SLC24A2: variants seen among roughly 807,000 people sequenced by gnomAD.
The protein encoded by SLC24A2 is sodium/potassium/calcium exchanger 2.
A neutral mutation model predicts 62.0 loss-of-function variants in SLC24A2; 36 were observed. The observed-to-expected ratio is 0.58, with a 90% CI of 0.44 to 0.77. The LOEUF is 0.77. Ranked by LOEUF, SLC24A2 falls within the 30% of genes least tolerant of loss-of-function variation. The pLI is 0.00. For missense variants in SLC24A2, 846 were observed against 817.9 expected (o/e 1.03, Z -0.42); for synonymous variants, 358 against 294.0 (o/e 1.22, Z -2.23).
At chr9:19,759,242 T>C (rs1189068134) in intron 2 of SLC24A2, among the ~76,000 whole-genome samples, 1 of 152,188 alleles carries the variant, frequency 6.6e-6, no homozygotes, top group African/African-American at 2.4e-5. Flanking sequence ...TACCAGAGAA[T>C]CTTGTTTTGA....
chr9:19,674,496 C>T (rs1328753303), intron 2 of SLC24A2, among the ~76,000 whole-genome samples: 2 of 152,304 alleles, frequency 1.3e-5, no homozygotes, highest in East Asian at 3.9e-4. Context: ...CCTTCAGGAA[C>T]ACCAATTATT....
At chr9:20,056,721 T>G in the SLC24A2 span, among the ~76,000 whole-genome samples, 1 of 152,142 alleles carries the variant, frequency 6.6e-6, no homozygotes, top group African/African-American at 2.4e-5. Flanking sequence ...TTCAACCCCC[T>G]TTTGGTCTCT....
chr9:19,773,264 T>C (rs1175754438), intron 2 of SLC24A2, among the ~76,000 whole-genome samples: 3 of 152,170 alleles, frequency 2.0e-5, no homozygotes, highest in Admixed American at 1.3e-4. Flanking sequence ...TGAATGTATA[T>C]GCTAAAAAAC....
intron 2 of SLC24A2, among the ~76,000 whole-genome samples, chr9:19,758,984 T>A (rs1247834134): frequency 1.3e-5 from 2 of 152,184 alleles, no homozygotes; most frequent in Non-Finnish European, 2.9e-5. Flanking sequence ...CTTGCCTAAC[T>A]CTTTTGTGTC....
At chr9:19,975,555 C>T in the SLC24A2 span, among the ~76,000 whole-genome samples, 1 of 152,138 alleles carries the variant, frequency 6.6e-6, no homozygotes, top group Non-Finnish European at 1.5e-5. Context: ...AAAAGGAAGA[C>T]AAAAATATTC....
chr9:19,563,796 C>CCCTTCCTTCCTTCCTTCCTTCCTTCCTT (rs1181236935), intron 7 of SLC24A2, among the ~76,000 whole-genome samples: 4 of 60,772 alleles, frequency 6.6e-5, no homozygotes, highest in African/African-American at 1.8e-4. Context: ...TTTATAATGA[C>CCCTTCCTTCCTTCCTTCCTTCCTTCCTT]CCTTCCTTCC....
At chr9:19,957,782 AG>A in the SLC24A2 span, 1 of 152,150 alleles carries the variant, frequency 6.6e-6, no homozygotes, top group Non-Finnish European at 1.5e-5. Flanking sequence ...TGGAGTGGAC[AG>A]GGTCATTCAA....
At chr9:20,157,256 G>A in the SLC24A2 span, among the ~76,000 whole-genome samples, 20 of 150,440 alleles carry the variant, frequency 1.3e-4, no homozygotes, top group Non-Finnish European at 2.4e-4. Flanking sequence ...TCAATAAGAG[G>A]GAATAAATAA....
the SLC24A2 span, among the ~76,000 whole-genome samples, chr9:19,799,100 C>G: frequency 6.6e-6 from 1 of 152,066 alleles, no homozygotes; most frequent in African/African-American, 2.4e-5. Context: ...CTTGCTGTTG[C>G]TAATGGTAGT....
the SLC24A2 span, among the ~76,000 whole-genome samples, chr9:20,085,841 G>A: frequency 1.3e-5 from 2 of 152,070 alleles, no homozygotes; most frequent in Non-Finnish European, 2.9e-5. Context: ...AACCTGACTT[G>A]TTCACTACAT....
At chr9:20,052,383 G>A in the SLC24A2 span, among the ~76,000 whole-genome samples, 1 of 152,170 alleles carries the variant, frequency 6.6e-6, no homozygotes, top group Non-Finnish European at 1.5e-5. Flanking sequence ...TCTCTGCACT[G>A]GCTGTAACTG....
intron 8 of SLC24A2, among the ~76,000 whole-genome samples, chr9:19,531,844 A>C (rs549375397): frequency 6.6e-6 from 1 of 152,220 alleles, no homozygotes; most frequent in African/African-American, 2.4e-5. Flanking sequence ...TCATCTGTAA[A>C]ATGGGAGAAA....
chr9:20,108,291 G>A, the SLC24A2 span, among the ~76,000 whole-genome samples: 10 of 152,140 alleles, frequency 6.6e-5, no homozygotes, highest in Middle Eastern at 3.4e-3. Context: ...TCAGTGTGGC[G>A]ATTCCTCAGG....
chr9:20,107,572 C>T, the SLC24A2 span, among the ~76,000 whole-genome samples: 1 of 152,072 alleles, frequency 6.6e-6, no homozygotes, highest in African/African-American at 2.4e-5. Flanking sequence ...TTTGACAAAC[C>T]TGAGAAAAAC....
At chr9:19,717,000 T>C (rs889436969) in intron 2 of SLC24A2, among the ~76,000 whole-genome samples, 1 of 152,218 alleles carries the variant, frequency 6.6e-6, no homozygotes, top group African/African-American at 2.4e-5. Context: ...CCATCAAACA[T>C]AGTTCAGTGC....
intron 7 of SLC24A2, among the ~76,000 whole-genome samples, chr9:19,563,183 C>CT (rs35909757): frequency 0.4 from 60,082 of 151,960 alleles, 13,778 homozygotes; most frequent in South Asian, 0.68. Context: ...TTTGGCATCT[C>CT]TCCCCCAGCA....
At chr9:20,101,604 G>T in the SLC24A2 span, among the ~76,000 whole-genome samples, 72 of 152,260 alleles carry the variant, frequency 4.7e-4, no homozygotes, top group African/African-American at 1.6e-3. Context: ...ACATCTCTGG[G>T]GTGGGCAAAT....
At chr9:19,584,311 AAAAC>A (rs1482373229) in intron 5 of SLC24A2, among the ~76,000 whole-genome samples, 6 of 151,954 alleles carry the variant, frequency 3.9e-5, no homozygotes, top group Admixed American at 1.3e-4. Context: ...AAAACAAAAC[AAAAC>A]AAACAAACAA....
intron 4 of SLC24A2, among the ~76,000 whole-genome samples, chr9:19,617,595 G>A (rs1020944175): frequency 1.3e-5 from 2 of 152,244 alleles, no homozygotes; most frequent in African/African-American, 4.8e-5. Context: ...CCAAAGGATC[G>A]TCTTGCATAT....
Sources: allele counts gnomAD v4.1 joint callset (sites outside exome capture counted in the v4.1 genomes callset), GRCh38; gene constraint gnomAD v4.1.1; transcripts MANE v1.5; gene names NCBI Gene and HGNC (gene_info 2026-07-23, HGNC 2026-07-21).